Variants in RGS17 observed in about 807,000 individuals in gnomAD.
RGS17 encodes regulator of G protein signaling 17, also known as regulator of G-protein signaling 17.
In RGS17, 12 loss-of-function variants were observed where a neutral mutation model predicts 25.5. The ratio of observed to expected loss-of-function variants is 0.47; its 90% CI spans 0.30 to 0.76. The LOEUF is 0.76. Ranked by LOEUF, RGS17 falls within the 30% of genes least tolerant of loss-of-function variation. RGS17 has a pLI of 0.07. For missense variants in RGS17, 196 were observed against 242.2 expected (o/e 0.81, Z 1.27); for synonymous variants, 71 against 76.9 (o/e 0.92, Z 0.40).
At chr6:153,048,881 A>G (rs1390005973) in intron 1 of RGS17, among the ~76,000 whole-genome samples, 1 of 152,174 alleles carries the variant, frequency 6.6e-6, no homozygotes, top group Non-Finnish European at 1.5e-5. Flanking sequence ...TGTCTAACCA[A>G]GGAGCCAATA....
chr6:153,039,302 C>T (rs1381267051), intron 2 of RGS17, among the ~76,000 whole-genome samples: 4 of 152,134 alleles, frequency 2.6e-5, no homozygotes, highest in Non-Finnish European at 5.9e-5. Context: ...ATTTTCCAAA[C>T]GTTGCTGTTG....
chr6:153,130,416 C>G lies in RGS17; in HGVS notation c.-26+708G>C, dbSNP rs1244706673. The stretch of plus-strand genomic sequence containing the variant: ...CCCGCGCCGCACACGCCAGGACTCC[C>G]TTTCCTTTGACTAAGGGGAGGGGAA... On this transcript the variant is annotated intron_variant, in intron 1 of 4. Transcript: ENST00000206262. This position sits in a 1 kb window ranked among gnomAD's most constrained non-coding sequence, Gnocchi z 6.4. Among the ~76,000 whole-genome samples the G allele has an allele frequency of 6.6e-6, 1 of 151,912 alleles. No individual in the cohort carries two copies. The highest frequency in any genetic ancestry group is 2.4e-5 in the African/African-American group (1 of 41,354).
At chr6:153,032,934 A>C (rs898012169) in intron 2 of RGS17, among the ~76,000 whole-genome samples, 7 of 152,222 alleles carry the variant, frequency 4.6e-5, no homozygotes, top group South Asian at 2.1e-4. Flanking sequence ...AGAACAAATA[A>C]ATTAGAAAAG....
At chr6:153,107,315 A>C (rs1335330637) in intron 1 of RGS17, among the ~76,000 whole-genome samples, 1 of 152,268 alleles carries the variant, frequency 6.6e-6, no homozygotes, top group African/African-American at 2.4e-5. Context: ...CCTGGGCAAT[A>C]ACAGTGAAAA....
intron 1 of RGS17, among the ~76,000 whole-genome samples, chr6:153,054,147 G>A (rs1455366237): frequency 9.3e-6 from 1 of 107,114 alleles, no homozygotes; most frequent in Non-Finnish European, 1.9e-5. Flanking sequence ...TTTATACCAG[G>A]CAGGAATTTC....
intron 1 of RGS17, among the ~76,000 whole-genome samples, chr6:153,077,113 C>G (rs1374316270): frequency 6.6e-6 from 1 of 152,168 alleles, no homozygotes; most frequent in African/African-American, 2.4e-5. Flanking sequence ...TACTAGTCTT[C>G]CCACAAAGTA....
chr6:153,023,080 A>G (rs988633005), intron 4 of RGS17, among the ~76,000 whole-genome samples: 1 of 151,868 alleles, frequency 6.6e-6, no homozygotes, highest in Non-Finnish European at 1.5e-5. Flanking sequence ...TAACCTAACT[A>G]ATTAAAAAAA....
At chr6:153,015,666 GT>G (rs1162756201) in intron 4 of RGS17, among the ~76,000 whole-genome samples, 105 of 142,334 alleles carry the variant, frequency 7.4e-4, no homozygotes, top group Admixed American at 1.2e-3. Context: ...TCTTTTTTTT[GT>G]TTTTTTTTTT....
chr6:153,057,093 A>T (rs2129113690), intron 1 of RGS17, among the ~76,000 whole-genome samples: 1 of 152,140 alleles, frequency 6.6e-6, no homozygotes, highest in Admixed American at 6.6e-5. Context: ...TCCCTCACAG[A>T]GGAAGGGAAA....
Position 153,054,110 on chromosome 6 carries a change from ATATG to A in RGS17, c.-25-10071_-25-10068del, listed in dbSNP as rs1338975691. Among the ~76,000 whole-genome samples, 1,024 of 102,824 alleles carry A rather than the reference ATATG, an allele frequency of 1.0e-2. 191 individuals carry two copies. Among genetic ancestry groups the A allele is most frequent in the African/African-American group, 0.037 (905 of 24,792 alleles). 67.5% of individuals were successfully genotyped at this position (102,824 alleles called of 152,430 possible). On this transcript the variant is annotated intron_variant, in intron 1 of 4. Transcript: ENST00000206262. ...ATATTTTTTATATATATATATATAT[ATATG>A]TGTATATATATATATATACAGCTTT...
intron 2 of RGS17, among the ~76,000 whole-genome samples, chr6:153,036,488 GAATAC>G (rs1776244004): frequency 6.6e-6 from 1 of 152,044 alleles, no homozygotes; most frequent in Non-Finnish European, 1.5e-5. Context: ...TTTCACCCTG[GAATAC>G]TCACCAGGGC....
intron 1 of RGS17, among the ~76,000 whole-genome samples, chr6:153,065,991 A>T (rs574089432): frequency 1.3e-5 from 2 of 152,270 alleles, no homozygotes; most frequent in Middle Eastern, 3.4e-3. Context: ...ACTGAAACAA[A>T]AATTTGGTTT....
At chr6:153,066,214 C>A (rs1178711206) in intron 1 of RGS17, among the ~76,000 whole-genome samples, 1 of 152,048 alleles carries the variant, frequency 6.6e-6, no homozygotes, top group Non-Finnish European at 1.5e-5. Flanking sequence ...ATACAACCTA[C>A]CACGATTGAA....
intron 3 of RGS17, among the ~76,000 whole-genome samples, chr6:153,025,273 T>A (rs962333600): frequency 6.6e-6 from 1 of 151,944 alleles, no homozygotes; most frequent in South Asian, 2.1e-4. Context: ...TACCATCCCA[T>A]TGCACTCCTG....
rs1006639766 is a variant in RGS17 at position 153,041,921 on chromosome 6, T to A, written c.119+1979A>T. ...ACTCTTATTAAATGCTTACTGTGTG[T>A]CAGACACTGCTCTTGGCTTGTTATG... is the stretch of plus-strand genomic sequence containing the variant. On this transcript the variant is annotated intron_variant, in intron 2 of 4. Coordinates refer to ENST00000206262, the MANE Select transcript of RGS17 (RefSeq NM_012419.5). Among the ~76,000 whole-genome samples, 6 of 152,346 alleles carry A rather than the reference T, an allele frequency of 3.9e-5. No individual in the cohort carries two copies. The East Asian group carries it at 9.6e-4, about 24-fold the overall frequency.
intron 1 of RGS17, among the ~76,000 whole-genome samples, chr6:153,070,673 TTGTG>T (rs55655703): frequency 0.32 from 46,475 of 144,886 alleles, 7,502 homozygotes; most frequent in African/African-American, 0.35. Context: ...ACATGGAAGA[TTGTG>T]TGTGTGTGTG....
chr6:153,030,793 T>C (rs529436884), intron 2 of RGS17, among the ~76,000 whole-genome samples: 270 of 152,296 alleles, frequency 1.8e-3, no homozygotes, highest in African/African-American at 6.0e-3. Context: ...TGGTTGGACA[T>C]AAAAGGTGAA....
intron 1 of RGS17, among the ~76,000 whole-genome samples, chr6:153,085,489 C>T (rs1777039623): frequency 6.6e-6 from 1 of 152,174 alleles, no homozygotes; most frequent in Non-Finnish European, 1.5e-5. Context: ...CTCAGTACTG[C>T]TCAAAGTTCC....
chr6:153,063,978 GAAT>G (rs1318618459), intron 1 of RGS17, among the ~76,000 whole-genome samples: 11 of 151,658 alleles, frequency 7.3e-5, no homozygotes, highest in African/African-American at 2.7e-4. Flanking sequence ...TTTTACCCTA[GAAT>G]AATAAATATG....
Sources: gnomAD v4.1 joint callset for allele counts (sites outside exome capture counted in the v4.1 genomes callset) on GRCh38, gnomAD v4.1.1 for gene constraint, Gnocchi (gnomAD v3.1) non-coding constraint, MANE v1.5 for transcripts, NCBI Gene and HGNC (gene_info 2026-07-23, HGNC 2026-07-21) for gene names.